Variants in STOX2 observed in about 807,000 individuals in gnomAD.
STOX2 encodes the protein storkhead-box protein 2.
STOX2 carries 28 observed loss-of-function variants against 60.9 expected under a neutral mutation model. The ratio of observed to expected loss-of-function variants is 0.46; its 90% CI spans 0.34 to 0.63. The LOEUF is 0.63. STOX2 is among the 30% of genes least tolerant of loss of function. STOX2 has a pLI of 0.01. For synonymous variants in STOX2, 472 were observed against 463.9 expected (o/e 1.02, Z -0.22); for missense variants, 1,024 against 1,187.7 (o/e 0.86, Z 2.03).
chr4:183,959,620 TA>T (rs1361974033), intron 1 of STOX2, among the ~76,000 whole-genome samples: 2 of 152,356 alleles, frequency 1.3e-5, no homozygotes, highest in East Asian at 3.9e-4. Flanking sequence ...TTTATTTATT[TA>T]TTTATTTACT....
At chr4:183,822,826 G>A (rs1405607807) in intron 1 of STOX2, among the ~76,000 whole-genome samples, 1 of 152,224 alleles carries the variant, frequency 6.6e-6, no homozygotes, top group African/African-American at 2.4e-5. Flanking sequence ...TGGAAACTCA[G>A]TGAGGCTCTT....
chr4:183,903,152 T>C (rs756230129), upstream of STOX2, among the ~76,000 whole-genome samples: 1 of 152,240 alleles, frequency 6.6e-6, no homozygotes, highest in Non-Finnish European at 1.5e-5. Context: ...CGGCTCACAC[T>C]GCACTTGGAA....
chr4:183,901,208 CA>C (rs1741451664), upstream of STOX2, among the ~76,000 whole-genome samples: 1 of 152,170 alleles, frequency 6.6e-6, no homozygotes, highest in African/African-American at 2.4e-5. Flanking sequence ...ATTCTGTTTT[CA>C]AGGTTCATCC....
intron 1 of STOX2, among the ~76,000 whole-genome samples, chr4:183,992,593 C>T (rs1189267766): frequency 6.6e-6 from 1 of 152,252 alleles, no homozygotes; most frequent in African/African-American, 2.4e-5. Flanking sequence ...TCCTCAGGTG[C>T]TCTTGTTGGT....
chr4:183,814,559 C>T (rs938035796), intron 1 of STOX2, among the ~76,000 whole-genome samples: 4 of 152,156 alleles, frequency 2.6e-5, no homozygotes, highest in Admixed American at 2.6e-4. Flanking sequence ...GTGCTTGAAA[C>T]TGGTAATTTG....
intron 1 of STOX2, among the ~76,000 whole-genome samples, chr4:183,911,464 C>A (rs1360010534): frequency 6.6e-6 from 1 of 152,168 alleles, no homozygotes; most frequent in Admixed American, 6.5e-5. Context: ...CCTATGTTGA[C>A]TCCTTTCATC....
chr4:183,981,732 G>GA (rs1439070791), intron 1 of STOX2, among the ~76,000 whole-genome samples: 5 of 152,144 alleles, frequency 3.3e-5, no homozygotes, highest in Non-Finnish European at 7.4e-5. Flanking sequence ...ATGTGGTATG[G>GA]AAAAAATTAG....
intron 1 of STOX2, among the ~76,000 whole-genome samples, chr4:183,802,835 A>G (rs1579282792): frequency 6.6e-6 from 1 of 152,204 alleles, no homozygotes; most frequent in East Asian, 1.9e-4. Context: ...ATTAGCCGTG[A>G]TGGTCTCGAT....
chr4:183,843,161 A>G (rs894966456), intron 1 of STOX2, among the ~76,000 whole-genome samples: 15 of 149,964 alleles, frequency 1.0e-4, no homozygotes, highest in African/African-American at 3.5e-4. Flanking sequence ...AAAAAAAAAA[A>G]AAGAAAAAGA....
chr4:184,009,136 GTTTTT>G lies in STOX2; in HGVS notation c.320-8_320-4del. ...TGTTCTGTCTTCATTCTCACAAGTG[GTTTTT>G]TTTTTTTTTTTTTCAGGTGTTCCAA... On this transcript the variant is annotated splice_polypyrimidine_tract_variant and intron_variant, in intron 2 of 3. Coordinates refer to ENST00000308497, the MANE Select transcript of STOX2 (RefSeq NM_020225.3). This position sits in a 1 kb window ranked among gnomAD's most constrained non-coding sequence, Gnocchi z 4.0. The G allele has an allele frequency of 2.4e-5, 17 of 716,172 alleles. No homozygotes were observed. Among genetic ancestry groups the G allele is most frequent in the Admixed American group, 3.4e-5 (1 of 29,532 alleles). 44.4% of individuals were successfully genotyped at this position (716,172 alleles called of 1,614,324 possible).
chr4:183,801,603 T>A (rs1738765485), intron 1 of STOX2, among the ~76,000 whole-genome samples: 1 of 152,196 alleles, frequency 6.6e-6, no homozygotes, highest in Non-Finnish European at 1.5e-5. Flanking sequence ...AGGCTTGAAC[T>A]TGATCTTGTG....
At chr4:183,977,546 C>CGTGTGTGTGTGTGTGTGT (rs56043761) in intron 1 of STOX2, among the ~76,000 whole-genome samples, 18,955 of 147,670 alleles carry the variant, frequency 0.13, 1,581 homozygotes, top group African/African-American at 0.24. Flanking sequence ...CATTCCATTT[C>CGTGTGTGTGTGTGTGTGT]GTGTGTGTGT....
chr4:183,947,106 A>G (rs1742917345), intron 1 of STOX2, among the ~76,000 whole-genome samples: 1 of 151,966 alleles, frequency 6.6e-6, no homozygotes, highest in Non-Finnish European at 1.5e-5. Context: ...GGGCTCCTGG[A>G]ACCAGCTCCC....
chr4:183,839,346 A>G (rs1019306791), intron 1 of STOX2, among the ~76,000 whole-genome samples: 2 of 152,238 alleles, frequency 1.3e-5, no homozygotes, highest in Non-Finnish European at 2.9e-5. Context: ...CCAAGTTGGC[A>G]ATAAAATTAA....
At chr4:183,955,044 A>G (rs1579464109) in intron 1 of STOX2, among the ~76,000 whole-genome samples, 1 of 152,216 alleles carries the variant, frequency 6.6e-6, no homozygotes, top group African/African-American at 2.4e-5. Context: ...TAATCTCTTC[A>G]GACTCCTCTA....
chr4:183,876,667 G>T (rs529353983), intron 1 of STOX2, among the ~76,000 whole-genome samples: 5 of 152,192 alleles, frequency 3.3e-5, no homozygotes, highest in African/African-American at 7.2e-5. Flanking sequence ...TCATTGTCCC[G>T]TAGGGGACCC....
At chr4:183,940,116 C>T (rs1185790793) in intron 1 of STOX2, among the ~76,000 whole-genome samples, 1 of 152,102 alleles carries the variant, frequency 6.6e-6, no homozygotes, top group Non-Finnish European at 1.5e-5. Flanking sequence ...CTGGACAGGC[C>T]GGCCTCGAAC....
At chr4:183,966,853 G>A (rs1438608646) in intron 1 of STOX2, among the ~76,000 whole-genome samples, 1 of 152,110 alleles carries the variant, frequency 6.6e-6, no homozygotes, top group Non-Finnish European at 1.5e-5. Context: ...GATAGAACTC[G>A]ATCAATGTCT....
chr4:184,011,272 A>G lies in STOX2; in HGVS notation c.2434A>G (p.Arg812Gly), dbSNP rs1288792230. 6.2e-7 allele frequency: 1 copy of G among 1,613,894 alleles called. No individual in the cohort carries two copies. Among genetic ancestry groups the G allele is most frequent in the Admixed American group, 1.7e-5 (1 of 60,000 alleles). The change falls in exon 3 of 4, where the codon AGA becomes GGA. Residue 812 changes from arginine to glycine, a missense_variant. Coordinates refer to ENST00000308497, the MANE Select transcript of STOX2 (RefSeq NM_020225.3). This position sits in a 1 kb window ranked among gnomAD's most constrained non-coding sequence, Gnocchi z 4.4. ...GTGGCTCCTCGAGCGGGAGAAGGAA[A>G]GAGACTTGCAGAGGAAATTTGAAAA... is the stretch of plus-strand genomic sequence containing the variant. ...MQWLLEREKERDLQRKFEKNL... is the reference protein window; with the variant it reads ...MQWLLEREKEGDLQRKFEKNL...
Sources: allele counts gnomAD v4.1 joint callset (sites outside exome capture counted in the v4.1 genomes callset), GRCh38; gene constraint gnomAD v4.1.1; non-coding constraint Gnocchi (gnomAD v3.1); transcripts MANE v1.5; gene names NCBI Gene and HGNC (gene_info 2026-07-23, HGNC 2026-07-21).